MPRIP: variants seen among roughly 807,000 people sequenced by gnomAD.
The protein encoded by MPRIP is myosin phosphatase Rho-interacting protein.
A neutral mutation model predicts 234.9 loss-of-function variants in MPRIP; 59 were observed. The ratio of observed to expected loss-of-function variants is 0.25; its 90% CI spans 0.20 to 0.31. The LOEUF (loss-of-function observed/expected upper bound fraction) is 0.31, where lower values mean the gene tolerates loss of function less well. MPRIP is among the 10% of genes least tolerant of loss of function. The pLI, the probability that MPRIP is intolerant of heterozygous loss-of-function variation, is 1.00. For missense variants in MPRIP, 2,436 were observed against 3,071.0 expected, an observed-to-expected ratio of 0.79 and a Z score of 4.89; for synonymous variants, 1,144 against 1,263.9, an observed-to-expected ratio of 0.91 and a Z score of 2.01.
rs894953169 is a variant in MPRIP at position 17,078,562 on chromosome 17, C to T, written c.267+486C>T. Among the ~76,000 whole-genome samples, 1 of 152,218 alleles carries T rather than the reference C, an allele frequency of 6.6e-6. No homozygotes were observed. The highest frequency in any genetic ancestry group is 1.5e-5 in the Non-Finnish European group (1 of 68,036). ...TAGTTTTCCGAGCTGACTTCAGAGG[C>T]CTCCTGGTCACAAGGTCATCGTTCT... On this transcript the variant is annotated intron_variant, in intron 3 of 23. Coordinates refer to ENST00000651222, the MANE Select transcript of MPRIP (RefSeq NM_001364716.4). This position sits in a 1 kb window ranked among gnomAD's most constrained non-coding sequence, Gnocchi z 4.3.
chr17:17,099,966 C>T (rs1000864535), intron 3 of MPRIP, among the ~76,000 whole-genome samples: 3 of 152,156 alleles, frequency 2.0e-5, no homozygotes, highest in African/African-American at 7.2e-5. Flanking sequence ...TCAGATGGGA[C>T]ATCTCCACCT....
chr17:17,062,255 G>A (rs1480553338), intron 1 of MPRIP, among the ~76,000 whole-genome samples: 1 of 152,168 alleles, frequency 6.6e-6, no homozygotes, highest in Non-Finnish European at 1.5e-5. Context: ...AAGCCACTCT[G>A]CCAGGGTTAT....
At position 17,166,433 on chromosome 17, in the gene MPRIP, C is replaced by G. The variant is rs1034068528; in HGVS notation, c.4842C>G (p.Thr1614=). ...AATCTGCTGGGGCCCCCGTAGACACCTGGGCCAGGAAGGTCCTAGTGGATG... is the reference window on the plus strand; with the variant it reads ...AATCTGCTGGGGCCCCCGTAGACACGTGGGCCAGGAAGGTCCTAGTGGATG... ...PMESAGAPVD[T]WARKVLVDGE... Residue 1614 remains threonine (T), a synonymous_variant, in exon 16 of 24, where the codon ACC becomes ACG. Coordinates refer to ENST00000651222, the MANE Select transcript of MPRIP (RefSeq NM_001364716.4). This position sits in a 1 kb window ranked among gnomAD's most constrained non-coding sequence, Gnocchi z 4.4. 1.5e-6 allele frequency: 2 copies of G among 1,304,242 alleles called. No homozygotes were observed. Among genetic ancestry groups the G allele is most frequent in the African/African-American group, 1.5e-5 (1 of 65,872 alleles). The allele number at this position is 1,304,242 out of a possible 1,614,324, so 80.8% of individuals were successfully genotyped here.
rs2045891505 is a variant in MPRIP, at chr17:17,162,317, GTC to G, written c.2517+965_2517+966del. Among the ~76,000 whole-genome samples, 3 of 152,200 alleles carry G rather than the reference GTC, an allele frequency of 2.0e-5. No homozygotes were observed. In the South Asian group the frequency reaches 6.2e-4, roughly 31 times the overall value. ...GGCCCTTCCGGCTCTTAGACCCCGA[GTC>G]TCTGTCACGTATTGTCTACATTTGC... On this transcript the variant is annotated intron_variant, in intron 15 of 23. Transcript: ENST00000651222.
At chr17:17,112,188 C>T (rs940595773) in intron 3 of MPRIP, among the ~76,000 whole-genome samples, 1 of 152,118 alleles carries the variant, frequency 6.6e-6, no homozygotes, top group Non-Finnish European at 1.5e-5. Context: ...GCCTGGGTAA[C>T]GGCGCTTTCT....
chr17:17,088,899 T>C (rs1157295720), intron 3 of MPRIP, among the ~76,000 whole-genome samples: 2 of 152,254 alleles, frequency 1.3e-5, no homozygotes, highest in African/African-American at 4.8e-5. Flanking sequence ...GAAAACTCTC[T>C]GAACCCGGGG....
chr17:17,115,593 G>A (rs1370164225), intron 3 of MPRIP, among the ~76,000 whole-genome samples: 4 of 152,166 alleles, frequency 2.6e-5, no homozygotes, highest in African/African-American at 4.8e-5. Context: ...GGATATTCAC[G>A]TGGTTATACA....
Position 17,102,464 on chromosome 17 carries a change from G to C in MPRIP, c.268-24238G>C, listed in dbSNP as rs891077318. On this transcript the variant is annotated intron_variant, in intron 3 of 23. Transcript: ENST00000651222. ...AGCTGTCAGGCTTTCTTCTCTGCCA[G>C]GTCATTGTGATGGGGCAGGTGATCG... 4.6e-5 allele frequency among the ~76,000 whole-genome samples: 7 copies of C among 152,256 alleles called. No homozygotes were observed. In the East Asian group the frequency reaches 9.6e-4, roughly 21 times the overall value.
intron 3 of MPRIP, among the ~76,000 whole-genome samples, chr17:17,102,007 T>A (rs1355040751): frequency 2.6e-5 from 4 of 152,180 alleles, no homozygotes; most frequent in Admixed American, 2.6e-4. Context: ...TGTAGTCCTC[T>A]GGCTTCTAGG....
chr17:17,176,298 A>C, intron 20 of MPRIP, 128 bp from the exon 21 acceptor site: 1 of 712,414 alleles, frequency 1.4e-6, no homozygotes. Context: ...GCTTGCCCGC[A>C]TTGGGCACCA....
chr17:17,091,964 G>A (rs947027127), intron 3 of MPRIP, among the ~76,000 whole-genome samples: 6 of 152,228 alleles, frequency 3.9e-5, no homozygotes, highest in African/African-American at 1.4e-4. Context: ...GAATATTGTT[G>A]CAAATGGACT....
At chr17:17,081,230 A>G (rs2089454886) in intron 3 of MPRIP, among the ~76,000 whole-genome samples, 1 of 152,122 alleles carries the variant, frequency 6.6e-6, no homozygotes, top group African/African-American at 2.4e-5. Flanking sequence ...TATCTTGCCA[A>G]CTAGACTGAC....
chr17:17,111,690 CAGGACCA>C (rs532837892), intron 3 of MPRIP, among the ~76,000 whole-genome samples: 228 of 152,292 alleles, frequency 1.5e-3, no homozygotes, highest in Non-Finnish European at 2.5e-3. Context: ...ACCGAGGCAG[CAGGACCA>C]AGTGGGAACT....
chr17:17,147,328 C>T lies in MPRIP; in HGVS notation c.1570C>T (p.His524Tyr), dbSNP rs1394699445. The stretch of plus-strand genomic sequence containing the variant: ...TTTTCTTCCCCTTTAGTGGAAGAAA[C>T]ACTGGTTTGTCCTCGCCGATCAAAG... Reference protein sequence around the residue: ...KQYEDGQWKKHWFVLADQSLR... With the variant: ...KQYEDGQWKKYWFVLADQSLR... Residue 524 changes from histidine (H) to tyrosine (Y), a missense_variant, in exon 11 of 24, where the codon CAC (histidine) becomes TAC (tyrosine). Transcript: ENST00000651222. The T allele has an allele frequency of 1.2e-6, 2 of 1,613,996 alleles. No homozygotes were observed. Among genetic ancestry groups the T allele is most frequent in the Admixed American group, 1.7e-5 (1 of 60,014 alleles).
chr17:17,043,775 G>C (rs1459645650), intron 1 of MPRIP, among the ~76,000 whole-genome samples: 1 of 152,210 alleles, frequency 6.6e-6, no homozygotes, highest in Non-Finnish European at 1.5e-5. Flanking sequence ...AACCCCTGCA[G>C]TGATTGCTGT....
intron 3 of MPRIP, among the ~76,000 whole-genome samples, chr17:17,079,869 G>A (rs1162879191): frequency 2.0e-5 from 3 of 152,332 alleles, no homozygotes; most frequent in Non-Finnish European, 2.9e-5. Flanking sequence ...TCCCAGGCAC[G>A]GCTTCTGGAT....
intron 11 of MPRIP, among the ~76,000 whole-genome samples, chr17:17,149,039 T>C (rs112672892): frequency 9.8e-4 from 150 of 152,338 alleles, no homozygotes; most frequent in African/African-American, 3.3e-3. Flanking sequence ...ATATTTTCCA[T>C]GTGACCAGTA....
In MPRIP at chr17:17,191,805, A is replaced by G. The variant is rs2046592103; in HGVS notation, c.*6911A>G. 1 of 152,234 alleles carries G rather than the reference A, an allele frequency of 6.6e-6. No individual in the cohort carries two copies. The highest frequency in any genetic ancestry group is 1.5e-5 in the Non-Finnish European group (1 of 68,034). 9.4% of individuals were successfully genotyped at this position (152,234 alleles called of 1,614,324 possible). A position where few individuals can be genotyped will look rare whatever the true frequency, so the allele number is the denominator to read the frequency against. On this transcript the variant is annotated 3_prime_UTR_variant, in exon 24 of 24. Transcript: ENST00000651222. Reference sequence around the variant, plus strand: ...GATTGTGAAGAACACTCAGTTCACTACTGTGTTACATTTATATCACAAGCT... The same window carrying G: ...GATTGTGAAGAACACTCAGTTCACTGCTGTGTTACATTTATATCACAAGCT...
Position 17,167,395 on chromosome 17 carries a change from G to A in MPRIP, c.5804G>A (p.Ser1935Asn). Reference sequence around the variant, plus strand: ...CAGCAGTGTCTGGAGGATGCAGAGAGCAAGCACAGCATGAGCATGTTCACC... The same window carrying A: ...CAGCAGTGTCTGGAGGATGCAGAGAACAAGCACAGCATGAGCATGTTCACC... ...HQQQCLEDAE[S>N]KHSMSMFTLR... The change falls in exon 16 of 24, where the codon AGC (serine) becomes AAC (asparagine). Residue 1935 changes from serine (S) to asparagine (N), a missense_variant. This residue lies in a region of MPRIP where 1,998 missense variants were observed against 2,520.3 expected (regional missense o/e 0.79). Coordinates refer to ENST00000651222, the MANE Select transcript of MPRIP (RefSeq NM_001364716.4). This position sits in a 1 kb window ranked among gnomAD's most constrained non-coding sequence, Gnocchi z 5.9. 1.5e-6 allele frequency: 2 copies of A among 1,304,274 alleles called. No individual in the cohort carries two copies. Among genetic ancestry groups the A allele is most frequent in the Non-Finnish European group, 2.0e-6 (2 of 988,976 alleles). The allele number at this position is 1,304,274 out of a possible 1,614,324, so 80.8% of individuals were successfully genotyped here.
Sources: gnomAD v4.1 joint callset for allele counts (sites outside exome capture counted in the v4.1 genomes callset) on GRCh38, gnomAD v4.1.1 for gene constraint, gnomAD v4.1.1 regional missense constraint, Gnocchi (gnomAD v3.1) non-coding constraint, MANE v1.5 for transcripts, NCBI Gene and HGNC (gene_info 2026-07-23, HGNC 2026-07-21) for gene names.